Variants in SYNJ2 observed in about 807,000 individuals in gnomAD.
SYNJ2 encodes the protein polyphosphatidylinositol phosphatase SYNJ2.
SYNJ2 carries 116 observed loss-of-function variants against 141.3 expected under a neutral mutation model. That is an observed-to-expected ratio of 0.82 (90% confidence interval 0.71 to 0.96). The LOEUF is 0.96. SYNJ2 is among the 40% of genes least tolerant of loss of function. The probability of loss-of-function intolerance (pLI) is 0.00; values close to 1 mark genes in which losing one functional copy is unlikely to be tolerated. For synonymous variants in SYNJ2, 745 were observed against 777.7 expected (o/e 0.96, Z 0.70); for missense variants, 1,873 against 1,934.8 (o/e 0.97, Z 0.60).
chr6:158,020,129 ACT>A (rs1481576081), intron 2 of SYNJ2, among the ~76,000 whole-genome samples: 1 of 149,508 alleles, frequency 6.7e-6, no homozygotes, highest in Non-Finnish European at 1.5e-5. Flanking sequence ...CACCTGTGTG[ACT>A]CTGCGTGACT....
At chr6:158,008,784 C>T (rs186725740) in intron 1 of SYNJ2, among the ~76,000 whole-genome samples, 29 of 152,332 alleles carry the variant, frequency 1.9e-4, no homozygotes, top group Admixed American at 1.2e-3. Flanking sequence ...GCCCAGGTGG[C>T]GCTAGCACCT....
intron 9 of SYNJ2, among the ~76,000 whole-genome samples, chr6:158,064,351 G>A (rs1562372658): frequency 1.3e-5 from 2 of 151,930 alleles, no homozygotes; most frequent in African/African-American, 4.8e-5. Flanking sequence ...ATTGGGTGGG[G>A]CGGGGCGGGG....
At chr6:158,073,246 G>C (rs1475073597) in intron 15 of SYNJ2, among the ~76,000 whole-genome samples, 1 of 152,026 alleles carries the variant, frequency 6.6e-6, no homozygotes, top group Non-Finnish European at 1.5e-5. Context: ...CACCCAGGCT[G>C]GAGTGCAGTG....
intron 26 of SYNJ2, among the ~76,000 whole-genome samples, chr6:158,093,316 A>T (rs1489459120): frequency 6.6e-6 from 1 of 152,020 alleles, no homozygotes; most frequent in Non-Finnish European, 1.5e-5. Context: ...CACGCCTGTA[A>T]TCCCAGCTAC....
chr6:158,019,533 T>C (rs111792884), intron 2 of SYNJ2, among the ~76,000 whole-genome samples: 79 of 152,288 alleles, frequency 5.2e-4, no homozygotes, highest in Non-Finnish European at 9.3e-4. Flanking sequence ...CAGCAGGGTC[T>C]AATGGGGCAG....
At chr6:157,994,737 T>C (rs1777578542) in intron 1 of SYNJ2, among the ~76,000 whole-genome samples, 2 of 152,244 alleles carry the variant, frequency 1.3e-5, no homozygotes, top group Admixed American at 6.5e-5. Context: ...CATTTTTGGG[T>C]GAGGCCTGAG....
chr6:158,005,241 C>G (rs1178487077), intron 1 of SYNJ2, among the ~76,000 whole-genome samples: 1 of 152,072 alleles, frequency 6.6e-6, no homozygotes, highest in Non-Finnish European at 1.5e-5. Flanking sequence ...CGACGCCCGG[C>G]TAATTTTTTG....
intron 3 of SYNJ2, among the ~76,000 whole-genome samples, chr6:158,030,111 T>C (rs1779284517): frequency 6.6e-6 from 1 of 152,146 alleles, no homozygotes; most frequent in Admixed American, 6.5e-5. Flanking sequence ...TCCTGGTGCT[T>C]TTTCACTCCA....
At position 158,098,315 on chromosome 6, in the gene SYNJ2, A is replaced by C. The variant is rs939855253; in HGVS notation, c.*1951A>C. ...TACCAAATAAATGGGACAGAGAATA[A>C]AATTTTTGTTAAAATATGTGCTCAT... On this transcript the variant is annotated 3_prime_UTR_variant, in exon 27 of 27. Transcript: ENST00000355585. 2 of 152,226 alleles carry C rather than the reference A, an allele frequency of 1.3e-5. No individual in the cohort carries two copies. The highest frequency in any genetic ancestry group is 3.8e-4 in the East Asian group (2 of 5,208). The allele number at this position is 152,226 out of a possible 1,614,324, so 9.4% of individuals were successfully genotyped here. A position where few individuals can be genotyped will look rare whatever the true frequency, so the allele number is the denominator to read the frequency against.
Position 158,096,469 on chromosome 6 carries a change from G to A in SYNJ2, c.*105G>A, listed in dbSNP as rs181828460. On this transcript the variant is annotated 3_prime_UTR_variant, in exon 27 of 27. Coordinates refer to ENST00000355585, the MANE Select transcript of SYNJ2 (RefSeq NM_003898.4). ...TATTTAAAGGCACACTGGCCAAAACGTTTGTGCATCTGTCACTCTCGTGTA... is the reference window on the plus strand; with the variant it reads ...TATTTAAAGGCACACTGGCCAAAACATTTGTGCATCTGTCACTCTCGTGTA... 7 of 1,334,340 alleles carry A rather than the reference G, an allele frequency of 5.2e-6. No individual in the cohort carries two copies. The highest frequency in any genetic ancestry group is 3.0e-5 in the South Asian group (2 of 66,892). The allele number at this position is 1,334,340 out of a possible 1,614,324, so 82.7% of individuals were successfully genotyped here.
intron 1 of SYNJ2, among the ~76,000 whole-genome samples, chr6:157,999,073 A>G (rs1383528635): frequency 6.6e-6 from 1 of 152,268 alleles, no homozygotes; most frequent in Non-Finnish European, 1.5e-5. Flanking sequence ...ATCATAGCAT[A>G]TAAAAGAACT....
chr6:157,987,640 G>T (rs1583277414), intron 1 of SYNJ2, among the ~76,000 whole-genome samples: 1 of 152,156 alleles, frequency 6.6e-6, no homozygotes. Flanking sequence ...GACTTCAAGT[G>T]ATCCGCCCGC....
In SYNJ2 at chr6:158,016,270, C is replaced by T. The variant is rs1231553393; in HGVS notation, c.128-934C>T. Among the ~76,000 whole-genome samples, 4 of 152,244 alleles carry T rather than the reference C, an allele frequency of 2.6e-5. No homozygotes were observed. In the South Asian group the frequency reaches 6.2e-4, roughly 24 times the overall value. On this transcript the variant is annotated intron_variant, in intron 1 of 26. Coordinates refer to ENST00000355585, the MANE Select transcript of SYNJ2 (RefSeq NM_003898.4). ...CTGGGATTACAGGCGTGTGCCACCA[C>T]GCCCAGCTAATTTTTGTATTTTTAG...
At chr6:158,008,854 C>T (rs1778163302) in intron 1 of SYNJ2, among the ~76,000 whole-genome samples, 1 of 152,158 alleles carries the variant, frequency 6.6e-6, no homozygotes, top group African/African-American at 2.4e-5. Context: ...AACAGAGCAG[C>T]CAGGATGATC....
chr6:158,047,742 ACT>A (rs1355034842), intron 5 of SYNJ2, among the ~76,000 whole-genome samples: 1 of 123,942 alleles, frequency 8.1e-6, no homozygotes, highest in Admixed American at 1.0e-4. Context: ...GTGCCACCAC[ACT>A]CTAGCCTGGT....
rs140973098 is a variant in SYNJ2, at chr6:157,997,747, A to G, written c.127+15659A>G. Reference sequence around the variant, plus strand: ...AATGAGGCTTGGCAAACACTGTTGAATGACGAAGCATTGGCAAAAAAAATA... The same window carrying G: ...AATGAGGCTTGGCAAACACTGTTGAGTGACGAAGCATTGGCAAAAAAAATA... On this transcript the variant is annotated intron_variant, in intron 1 of 26. Coordinates refer to ENST00000355585, the MANE Select transcript of SYNJ2 (RefSeq NM_003898.4). Among the ~76,000 whole-genome samples, 510 of 136,764 alleles carry G rather than the reference A, an allele frequency of 3.7e-3. 2 individuals carry two copies. Among genetic ancestry groups the G allele is most frequent in the African/African-American group, 0.014 (475 of 33,586 alleles). The allele number at this position is 136,764 out of a possible 152,430, so 89.7% of individuals were successfully genotyped here.
At chr6:158,060,070 A>G (rs1275981691) in intron 7 of SYNJ2, among the ~76,000 whole-genome samples, 7 of 152,124 alleles carry the variant, frequency 4.6e-5, no homozygotes, top group Admixed American at 3.9e-4. Context: ...CCAGCCCCAC[A>G]GGGCACCCGG....
In SYNJ2 at chr6:158,068,681, G is replaced by T. The variant is rs61740186; in HGVS notation, c.1752G>T (p.Gly584=). The part of the protein sequence containing the change: ...DSSPADIFAV[G]FEEMVELSAG... ...GCCCAGCTGACATATTTGCTGTGGG[G>T]TTTGAAGAGATGGTGGAATTGAGCG... The change falls in exon 13 of 27, where the codon GGG becomes GGT. Residue 584 remains glycine, a synonymous_variant. Transcript: ENST00000355585. 6.2e-7 allele frequency: 1 copy of T among 1,614,254 alleles called. No individual in the cohort carries two copies. The highest frequency in any genetic ancestry group is 2.2e-5 in the East Asian group (1 of 44,886).
chr6:158,017,133 G>A lies in SYNJ2; in HGVS notation c.128-71G>A, dbSNP rs1468269846. On this transcript the variant is annotated intron_variant, in intron 1 of 26. Coordinates refer to ENST00000355585, the MANE Select transcript of SYNJ2 (RefSeq NM_003898.4). ...AGTGGGTGGGAAGCCAGCTTGGCAA[G>A]CCGGGTGTGAATGAACAGGAATGAG... The A allele has an allele frequency of 3.2e-6, 5 of 1,552,782 alleles. No individual in the cohort carries two copies. The African/African-American group carries it at 5.5e-5, about 17-fold the overall frequency.
Sources: allele counts gnomAD v4.1 joint callset (sites outside exome capture counted in the v4.1 genomes callset), GRCh38; gene constraint gnomAD v4.1.1; transcripts MANE v1.5; gene names NCBI Gene and HGNC (gene_info 2026-07-23, HGNC 2026-07-21).